Variants in LOC400499 observed in about 807,000 individuals in gnomAD.
chr16:11,481,187 G>A, the LOC400499 span, among the ~76,000 whole-genome samples: 1 of 152,222 alleles, frequency 6.6e-6, no homozygotes, highest in African/African-American at 2.4e-5. Context: ...GTGGCTGTTG[G>A]AGGCTAGGAG....
the LOC400499 span, among the ~76,000 whole-genome samples, chr16:11,459,576 C>G: frequency 6.6e-6 from 1 of 152,160 alleles, no homozygotes; most frequent in Non-Finnish European, 1.5e-5. Context: ...GCTGAGCACA[C>G]CATCAGTCCT....
the LOC400499 span, chr16:11,471,597 G>T: frequency 5.0e-6 from 2 of 398,932 alleles, no homozygotes; most frequent in South Asian, 2.6e-4. Context: ...GCCCAGGGCT[G>T]ACCTAAGGAG....
chr16:11,450,638 C>A, the LOC400499 span: 1 of 1,536,062 alleles, frequency 6.5e-7, no homozygotes, highest in South Asian at 1.2e-5. Flanking sequence ...GCGGTGTAAA[C>A]CTGGATCTTG....
the LOC400499 span, chr16:11,502,326 G>C: frequency 7.6e-6 from 3 of 395,626 alleles, no homozygotes; most frequent in Non-Finnish European, 1.3e-5. Context: ...GAGACCCAGT[G>C]AGATGAAGCT....
the LOC400499 span, among the ~76,000 whole-genome samples, chr16:11,438,177 G>A: frequency 6.6e-6 from 1 of 152,148 alleles, no homozygotes; most frequent in African/African-American, 2.4e-5. Context: ...AGCCTGCCAC[G>A]CAATCATTTC....
chr16:11,515,534 CATAAA>C, the LOC400499 span, among the ~76,000 whole-genome samples: 2 of 148,692 alleles, frequency 1.3e-5, no homozygotes, highest in African/African-American at 2.5e-5. Context: ...TACATACATA[CATAAA>C]ATAAAATAAA....
At chr16:11,438,321 G>A in the LOC400499 span, among the ~76,000 whole-genome samples, 2 of 152,186 alleles carry the variant, frequency 1.3e-5, no homozygotes, top group South Asian at 2.1e-4. Flanking sequence ...ACGGTGACCT[G>A]TGTCAAGGTG....
At chr16:11,446,945 T>G in the LOC400499 span, 2 of 1,515,674 alleles carry the variant, frequency 1.3e-6, no homozygotes, top group Non-Finnish European at 1.8e-6. Flanking sequence ...CCAAAGCCAT[T>G]AAAGCAGCTG....
At chr16:11,387,832 C>G in the LOC400499 span, among the ~76,000 whole-genome samples, 2 of 152,040 alleles carry the variant, frequency 1.3e-5, no homozygotes, top group East Asian at 3.9e-4. Flanking sequence ...CCACATTGGC[C>G]AGGCTAGTCT....
At chr16:11,506,783 T>C in the LOC400499 span, among the ~76,000 whole-genome samples, 1 of 152,170 alleles carries the variant, frequency 6.6e-6, no homozygotes, top group Non-Finnish European at 1.5e-5. Context: ...CCTTGTCTCC[T>C]GCCCACCATC....
the LOC400499 span, among the ~76,000 whole-genome samples, chr16:11,474,582 G>A: frequency 1.9e-4 from 29 of 152,186 alleles, no homozygotes; most frequent in African/African-American, 5.8e-4. Flanking sequence ...AAATAAAGCC[G>A]GGTGCAGCGG....
At chr16:11,401,594 C>T in the LOC400499 span, among the ~76,000 whole-genome samples, 1 of 152,242 alleles carries the variant, frequency 6.6e-6, no homozygotes, top group African/African-American at 2.4e-5. Context: ...GAAATCCAGG[C>T]TTAGAGAGGA....
the LOC400499 span, chr16:11,456,951 C>T: frequency 6.5e-7 from 1 of 1,536,320 alleles, no homozygotes. Context: ...CTTCAGGTGA[C>T]TGCTGCTCTC....
the LOC400499 span, chr16:11,462,197 T>G: frequency 6.5e-7 from 1 of 1,534,694 alleles, no homozygotes; most frequent in Non-Finnish European, 8.7e-7. Flanking sequence ...CCGTGTGAGG[T>G]TCCCGGTGAA....
chr16:11,395,608 G>C, the LOC400499 span, among the ~76,000 whole-genome samples: 6 of 152,214 alleles, frequency 3.9e-5, no homozygotes, highest in African/African-American at 1.2e-4. Flanking sequence ...CGGGAAGGGA[G>C]GGAACTCCCC....
chr16:11,497,444 G>A, the LOC400499 span, among the ~76,000 whole-genome samples: 12 of 152,350 alleles, frequency 7.9e-5, no homozygotes, highest in African/African-American at 1.4e-4. Context: ...GAAGCTCTCC[G>A]GCACATGGGA....
the LOC400499 span, chr16:11,402,030 C>G: frequency 1.0e-5 from 4 of 399,068 alleles, no homozygotes; most frequent in Admixed American, 1.8e-4. Flanking sequence ...CCGGCCCTGA[C>G]ACTTACCTGG....
At chr16:11,377,114 C>T in the LOC400499 span, among the ~76,000 whole-genome samples, 20,042 of 151,976 alleles carry the variant, frequency 0.13, 1,566 homozygotes, top group African/African-American at 0.2. Context: ...CAACCATGCC[C>T]GGCAGGAATT....
At chr16:11,405,451 CAA>C in the LOC400499 span, among the ~76,000 whole-genome samples, 4 of 152,076 alleles carry the variant, frequency 2.6e-5, no homozygotes, top group Non-Finnish European at 4.4e-5. Context: ...AGGATGGTCA[CAA>C]GAGACATTCA....
Sources: allele counts gnomAD v4.1 joint callset (sites outside exome capture counted in the v4.1 genomes callset), GRCh38; gene constraint gnomAD v4.1.1; transcripts MANE v1.5.